The following DENND1B variants were observed in gnomAD, a reference collection of about 807,000 sequenced individuals.
DENND1B encodes DENN domain-containing protein 1B.
A neutral mutation model predicts 90.1 loss-of-function variants in DENND1B; 59 were observed. The observed-to-expected ratio is 0.65, with a 90% CI of 0.53 to 0.81. The LOEUF (loss-of-function observed/expected upper bound fraction) is 0.81, where lower values mean the gene tolerates loss of function less well. DENND1B is among the 40% of genes least tolerant of loss of function. The probability of loss-of-function intolerance (pLI) is 0.00; values close to 1 mark genes in which losing one functional copy is unlikely to be tolerated. For synonymous variants in DENND1B, 337 were observed against 324.6 expected (o/e 1.04, Z -0.41); for missense variants, 862 against 912.6 (o/e 0.94, Z 0.71).
At chr1:197,671,027 TA>T (rs1655454566) in intron 5 of DENND1B, among the ~76,000 whole-genome samples, 1 of 152,200 alleles carries the variant, frequency 6.6e-6, no homozygotes, top group Admixed American at 6.6e-5. Context: ...TCTCCAGCTC[TA>T]ACCAATGTTG....
intron 15 of DENND1B, among the ~76,000 whole-genome samples, chr1:197,564,988 A>G (rs2125713237): frequency 6.6e-6 from 1 of 152,044 alleles, no homozygotes; most frequent in East Asian, 1.9e-4. Flanking sequence ...ATATTCCCCC[A>G]TGTCACATTA....
intron 3 of DENND1B, among the ~76,000 whole-genome samples, chr1:197,680,463 T>C (rs1453071891): frequency 6.6e-6 from 1 of 152,106 alleles, no homozygotes; most frequent in Non-Finnish European, 1.5e-5. Flanking sequence ...AGTAGGAAAA[T>C]GCTTCAAGTT....
At chr1:197,626,545 A>G (rs1380542865) in intron 10 of DENND1B, among the ~76,000 whole-genome samples, 1 of 152,216 alleles carries the variant, frequency 6.6e-6, no homozygotes, top group Non-Finnish European at 1.5e-5. Context: ...AGGGAAATTT[A>G]TAGCACTAAA....
intron 14 of DENND1B, among the ~76,000 whole-genome samples, chr1:197,583,765 T>A (rs746083535): frequency 4.3e-4 from 66 of 152,214 alleles, no homozygotes; most frequent in Non-Finnish European, 8.4e-4. Flanking sequence ...TAAGTCCTAC[T>A]TGGGATCTGC....
intron 20 of DENND1B, among the ~76,000 whole-genome samples, chr1:197,532,262 C>T (rs1254650980): frequency 9.1e-5 from 1 of 10,982 alleles, no homozygotes; most frequent in Admixed American, 2.1e-3. Flanking sequence ...CAATAACAGG[C>T]TCTGAAATTG....
chr1:197,505,999 C>T lies in DENND1B; in HGVS notation c.*4461G>A, dbSNP rs929434217. Reference sequence around the variant, plus strand: ...GAGGCAGTTAGTTATGATACAACAACACAATATCCATAATAATTTTAAATA... The same window carrying T: ...GAGGCAGTTAGTTATGATACAACAATACAATATCCATAATAATTTTAAATA... On this transcript the variant is annotated 3_prime_UTR_variant, in exon 23 of 23. Transcript: ENST00000620048. 6.6e-6 allele frequency: 1 copy of T among 151,536 alleles called. No homozygotes were observed. Among genetic ancestry groups the T allele is most frequent in the Admixed American group, 6.6e-5 (1 of 15,186 alleles). The allele number at this position is 151,536 out of a possible 1,614,324, so 9.4% of individuals were successfully genotyped here.
chr1:197,781,463 A>G, the DENND1B span, among the ~76,000 whole-genome samples: 5 of 152,314 alleles, frequency 3.3e-5, no homozygotes, highest in South Asian at 2.1e-4. Flanking sequence ...TCTTTAAATT[A>G]TTTTATCAGG....
rs186570124 is a variant in DENND1B, at chr1:197,694,720, A to G, written c.126+20311T>C. ...CAATCAGAATCATTTATCATTATTT[A>G]ATTTCTATAGATTGCTGCATAACAT... On this transcript the variant is annotated intron_variant, in intron 3 of 22. Coordinates refer to ENST00000620048, the MANE Select transcript of DENND1B (RefSeq NM_001195215.2). Among the ~76,000 whole-genome samples, 830 of 151,478 alleles carry G rather than the reference A, an allele frequency of 5.5e-3. 9 individuals are homozygous for G. Among genetic ancestry groups the G allele is most frequent in the African/African-American group, 0.019 (791 of 41,494 alleles).
At position 197,551,809 on chromosome 1, in the gene DENND1B, G is replaced by C. The variant is rs189691740; in HGVS notation, c.1240+1213C>G. ...CTTGTCTGAGTTGAGAAGTAAAAAAGTGTTATTTTAACACAAAAGTTCCAT... is the reference window on the plus strand; with the variant it reads ...CTTGTCTGAGTTGAGAAGTAAAAAACTGTTATTTTAACACAAAAGTTCCAT... On this transcript the variant is annotated intron_variant, in intron 16 of 22. Transcript: ENST00000620048. 7.9e-5 allele frequency among the ~76,000 whole-genome samples: 12 copies of C among 152,198 alleles called. No individual in the cohort carries two copies. In the East Asian group the frequency reaches 2.3e-3, roughly 29 times the overall value.
chr1:197,580,350 G>C (rs1244023988), intron 15 of DENND1B, among the ~76,000 whole-genome samples: 1 of 149,358 alleles, frequency 6.7e-6, no homozygotes, highest in Admixed American at 6.7e-5. Flanking sequence ...CACCCGTCTC[G>C]GTCTCCCAGA....
chr1:197,516,180 A>G (rs760385578), intron 20 of DENND1B, among the ~76,000 whole-genome samples: 32 of 151,926 alleles, frequency 2.1e-4, no homozygotes, highest in Middle Eastern at 3.4e-3. Context: ...AAACTGATTA[A>G]TATGTTGTTT....
intron 3 of DENND1B, among the ~76,000 whole-genome samples, chr1:197,678,749 A>G (rs952330217): frequency 1.3e-5 from 2 of 152,160 alleles, no homozygotes; most frequent in Non-Finnish European, 2.9e-5. Context: ...ATTTTTAAGA[A>G]GTGTTCTGCT....
chr1:197,741,385 T>A lies in DENND1B; in HGVS notation c.83-26311A>T, dbSNP rs530701896. Among the ~76,000 whole-genome samples the A allele has an allele frequency of 2.6e-5, 4 of 152,330 alleles. 1 individual carries two copies. The highest frequency in any genetic ancestry group is 2.6e-4 in the Admixed American group (4 of 15,298). On this transcript the variant is annotated intron_variant, in intron 2 of 22. Coordinates refer to ENST00000620048, the MANE Select transcript of DENND1B (RefSeq NM_001195215.2). ...GATGCCATCCTTATTTATGCATATT[T>A]ATAGAGCAAATAATCATTAAAGCAG... is the stretch of plus-strand genomic sequence containing the variant.
chr1:197,656,694 T>C (rs1653865181), intron 6 of DENND1B, among the ~76,000 whole-genome samples: 3 of 152,100 alleles, frequency 2.0e-5, no homozygotes, highest in South Asian at 4.2e-4. Flanking sequence ...TTCCAGCTAA[T>C]TGGGAGACTG....
At chr1:197,742,569 C>T (rs1217826179) in intron 2 of DENND1B, among the ~76,000 whole-genome samples, 1 of 151,986 alleles carries the variant, frequency 6.6e-6, no homozygotes, top group Non-Finnish European at 1.5e-5. Flanking sequence ...TAAAACTGTA[C>T]AAAATATTTG....
At chr1:197,703,501 T>C (rs1659237569) in intron 3 of DENND1B, among the ~76,000 whole-genome samples, 1 of 152,190 alleles carries the variant, frequency 6.6e-6, no homozygotes, top group Admixed American at 6.5e-5. Flanking sequence ...TGTTGGATGT[T>C]AACACAAATA....
In DENND1B at chr1:197,695,677, T is replaced by C. The variant is rs566294230; in HGVS notation, c.126+19354A>G. 1.3e-4 allele frequency among the ~76,000 whole-genome samples: 6 copies of C among 45,528 alleles called. No homozygotes were observed. The South Asian group carries it at 4.9e-3, about 37-fold the overall frequency. 29.9% of individuals were successfully genotyped at this position (45,528 alleles called of 152,430 possible). A position where few individuals can be genotyped will look rare whatever the true frequency, so the allele number is the denominator to read the frequency against. On this transcript the variant is annotated intron_variant, in intron 3 of 22. Coordinates refer to ENST00000620048, the MANE Select transcript of DENND1B (RefSeq NM_001195215.2). ...TGAAAAAACAATAGTTGATATAGAATGCAATGAAATTATTTCTGTCTCATG... is the reference window on the plus strand; with the variant it reads ...TGAAAAAACAATAGTTGATATAGAACGCAATGAAATTATTTCTGTCTCATG...
At position 197,652,171 on chromosome 1, in the gene DENND1B, G is replaced by A. The variant is rs138344917; in HGVS notation, c.447+64C>T. Reference sequence around the variant, plus strand: ...GGTAAAGAATTGCCTGAAGGTACACGTGCTCTTAACGAAATTGAGACATAG... The same window carrying A: ...GGTAAAGAATTGCCTGAAGGTACACATGCTCTTAACGAAATTGAGACATAG... On this transcript the variant is annotated intron_variant, in intron 7 of 22. Coordinates refer to ENST00000620048, the MANE Select transcript of DENND1B (RefSeq NM_001195215.2). 19 of 1,354,746 alleles carry A rather than the reference G, an allele frequency of 1.4e-5. 1 individual carries two copies. Among genetic ancestry groups the A allele is most frequent in the Admixed American group, 5.4e-5 (3 of 55,222 alleles). The allele number at this position is 1,354,746 out of a possible 1,614,324, so 83.9% of individuals were successfully genotyped here.
At chr1:197,601,380 C>T (rs1254345856) in intron 13 of DENND1B, among the ~76,000 whole-genome samples, 3 of 151,622 alleles carry the variant, frequency 2.0e-5, no homozygotes, top group East Asian at 3.9e-4. Context: ...ATTATGATAT[C>T]GGCAAGGTTT....
Sources: allele counts gnomAD v4.1 joint callset (sites outside exome capture counted in the v4.1 genomes callset), GRCh38; gene constraint gnomAD v4.1.1; transcripts MANE v1.5; gene names NCBI Gene and HGNC (gene_info 2026-07-23, HGNC 2026-07-21).